The following PLPP3 variants were observed in gnomAD, a reference collection of about 807,000 sequenced individuals.
The protein encoded by PLPP3 is phospholipid phosphatase 3.
A neutral mutation model predicts 29.6 loss-of-function variants in PLPP3; 6 were observed. That is an observed-to-expected ratio of 0.20 (90% confidence interval 0.11 to 0.40). The LOEUF (loss-of-function observed/expected upper bound fraction) is 0.40, where lower values mean the gene tolerates loss of function less well. Ranked by LOEUF, PLPP3 falls within the 10% of genes least tolerant of loss-of-function variation. The pLI is 1.00. For missense variants in PLPP3, 308 were observed against 407.7 expected, an observed-to-expected ratio of 0.76 and a Z score of 2.11; for synonymous variants, 152 against 159.7, an observed-to-expected ratio of 0.95 and a Z score of 0.36.
intron 1 of PLPP3, among the ~76,000 whole-genome samples, chr1:56,553,449 C>T (rs905170047): frequency 6.6e-6 from 1 of 152,194 alleles, no homozygotes. Context: ...GCCTTCTGCA[C>T]TTGGAGACAC....
intron 1 of PLPP3, among the ~76,000 whole-genome samples, chr1:56,570,658 C>G (rs1646191529): frequency 6.6e-6 from 1 of 152,154 alleles, no homozygotes; most frequent in African/African-American, 2.4e-5. Context: ...CAATGCGTGA[C>G]CTTGAGAAGT....
At chr1:56,497,771 C>A (rs1277807119) in intron 5 of PLPP3, among the ~76,000 whole-genome samples, 1 of 152,124 alleles carries the variant, frequency 6.6e-6, no homozygotes, top group East Asian at 1.9e-4. Context: ...AAGGCTCTGG[C>A]GATCCAGGGC....
chr1:56,557,008 A>AAGAAAGAAAGAAAGAAAGAG (rs1553139323), intron 1 of PLPP3, among the ~76,000 whole-genome samples: 11 of 13,746 alleles, frequency 8.0e-4, no homozygotes, highest in East Asian at 2.9e-3. Context: ...GAAAGAAAGA[A>AAGAAAGAAAGAAAGAAAGAG]AGAGAGAGAG....
At chr1:56,564,403 A>T (rs1044061079) in intron 1 of PLPP3, among the ~76,000 whole-genome samples, 5 of 152,208 alleles carry the variant, frequency 3.3e-5, no homozygotes, top group Non-Finnish European at 7.3e-5. Flanking sequence ...GTAACTGGAG[A>T]TCTACAATGA....
intron 2 of PLPP3, among the ~76,000 whole-genome samples, chr1:56,534,655 A>C (rs141011144): frequency 0.01 from 1,566 of 152,236 alleles, 21 homozygotes; most frequent in African/African-American, 0.036. Context: ...AAATGTGTCG[A>C]CGTCATCGTT....
rs551894512 is a variant in PLPP3 at position 56,539,178 on chromosome 1, T to G, written c.140-2066A>C. On this transcript the variant is annotated intron_variant, in intron 1 of 5. Coordinates refer to ENST00000371250, the MANE Select transcript of PLPP3 (RefSeq NM_003713.5). ...CCCTAATTTAACTTTGCAAATTGAT[T>G]TCATTCAAATGTGAATTTCATTAGC... is the stretch of plus-strand genomic sequence containing the variant. 6.6e-5 allele frequency among the ~76,000 whole-genome samples: 10 copies of G among 152,286 alleles called. No homozygotes were observed. In the South Asian group the frequency reaches 2.1e-3, roughly 32 times the overall value.
In PLPP3 at chr1:56,494,943, C is replaced by T. The variant is rs1390224500; in HGVS notation, c.*1608G>A. 2.0e-5 allele frequency: 3 copies of T among 152,522 alleles called. No homozygotes were observed. Among genetic ancestry groups the T allele is most frequent in the African/African-American group, 7.2e-5 (3 of 41,398 alleles). 9.4% of individuals were successfully genotyped at this position (152,522 alleles called of 1,614,324 possible). ...CAGTTTTCTCTAGTTGCAGTTATTT[C>T]ATTATAAAACAATGTCTACCACAGA... On this transcript the variant is annotated 3_prime_UTR_variant, in exon 6 of 6. Coordinates refer to ENST00000371250, the MANE Select transcript of PLPP3 (RefSeq NM_003713.5).
At chr1:56,515,433 C>T (rs143227073) in intron 4 of PLPP3, among the ~76,000 whole-genome samples, 196 of 152,172 alleles carry the variant, frequency 1.3e-3, no homozygotes, top group African/African-American at 4.5e-3. Context: ...GTTTCCCAAC[C>T]GGACAAAGCC....
chr1:56,509,420 T>C (rs751986804), intron 5 of PLPP3, among the ~76,000 whole-genome samples: 17 of 152,184 alleles, frequency 1.1e-4, no homozygotes, highest in Non-Finnish European at 2.4e-4. Context: ...GGGCATAGCT[T>C]TGAGTCCATG....
chr1:56,513,331 T>G (rs1645758052), intron 4 of PLPP3: 1 of 152,632 alleles, frequency 6.6e-6, no homozygotes, highest in African/African-American at 2.4e-5. Context: ...CTGTGGGAAC[T>G]TGGGAAATGA....
At chr1:56,507,670 T>C (rs1444438308) in intron 5 of PLPP3, among the ~76,000 whole-genome samples, 2 of 152,152 alleles carry the variant, frequency 1.3e-5, no homozygotes, top group Non-Finnish European at 2.9e-5. Context: ...GATGCCCGCA[T>C]CCTAAGTCCC....
chr1:56,538,231 G>A (rs187537503), intron 1 of PLPP3, among the ~76,000 whole-genome samples: 117 of 152,270 alleles, frequency 7.7e-4, no homozygotes, highest in African/African-American at 2.7e-3. Flanking sequence ...CTCCTCTTCA[G>A]TAAGCCTCCA....
rs145573744 is a variant in PLPP3, at chr1:56,518,715, T to TTATATATATATA, written c.633+5096_633+5107dup. ...GGAATTTACAGCCTTTTTTAATCAT[T>TTATATATATATA]TATATATATATATATATATAGACAG... is the stretch of plus-strand genomic sequence containing the variant. On this transcript the variant is annotated intron_variant, in intron 4 of 5. Coordinates refer to ENST00000371250, the MANE Select transcript of PLPP3 (RefSeq NM_003713.5). 5.4e-3 allele frequency among the ~76,000 whole-genome samples: 689 copies of TTATATATATATA among 126,634 alleles called. 18 individuals carry two copies. Among genetic ancestry groups the TTATATATATATA allele is most frequent in the Middle Eastern group, 0.012 (3 of 244 alleles). 83.1% of individuals were successfully genotyped at this position (126,634 alleles called of 152,430 possible). A position where few individuals can be genotyped will look rare whatever the true frequency, so the allele number is the denominator to read the frequency against.
At chr1:56,538,836 C>A in intron 1 of PLPP3, 1 of 156,302 alleles carries the variant, frequency 6.4e-6, no homozygotes, top group Non-Finnish European at 1.4e-5. Flanking sequence ...CCAGCCTGCT[C>A]TACCAAGAGA....
chr1:56,522,384 G>A (rs564115603), intron 4 of PLPP3, among the ~76,000 whole-genome samples: 1 of 152,184 alleles, frequency 6.6e-6, no homozygotes, highest in South Asian at 2.1e-4. Context: ...CACATACCCA[G>A]TTCCTCTAAG....
chr1:56,546,079 T>C (rs1416181523), intron 1 of PLPP3, among the ~76,000 whole-genome samples: 2 of 152,258 alleles, frequency 1.3e-5, no homozygotes, highest in African/African-American at 4.8e-5. Flanking sequence ...TTAAAATGTT[T>C]TAAATTGTTA....
chr1:56,557,173 A>T (rs956057758), intron 1 of PLPP3, among the ~76,000 whole-genome samples: 1 of 151,282 alleles, frequency 6.6e-6, no homozygotes, highest in Non-Finnish European at 1.5e-5. Context: ...AGGTCAAGAG[A>T]TCAAGACAAT....
At chr1:56,567,733 C>A (rs539438589) in intron 1 of PLPP3, among the ~76,000 whole-genome samples, 1 of 151,980 alleles carries the variant, frequency 6.6e-6, no homozygotes, top group South Asian at 2.1e-4. Context: ...GCAGCCTCAA[C>A]GGAAAACAGT....
At chr1:56,554,580 A>G (rs1646061791) in intron 1 of PLPP3, among the ~76,000 whole-genome samples, 1 of 152,054 alleles carries the variant, frequency 6.6e-6, no homozygotes, top group African/African-American at 2.4e-5. Flanking sequence ...TCAAAAAAAA[A>G]AAAAAAAGAA....
Sources: gnomAD v4.1 joint callset for allele counts (sites outside exome capture counted in the v4.1 genomes callset) on GRCh38, gnomAD v4.1.1 for gene constraint, MANE v1.5 for transcripts, NCBI Gene and HGNC (gene_info 2026-07-23, HGNC 2026-07-21) for gene names.